GPR173: variants seen among roughly 807,000 people sequenced by gnomAD.
GPR173 encodes the protein probable G protein-coupled receptor 173.
A neutral mutation model predicts 13.9 loss-of-function variants in GPR173; 2 were observed. The observed-to-expected ratio is 0.14, with a 90% confidence interval of 0.06 to 0.45. GPR173 has a LOEUF of 0.45. GPR173 is among the 20% of genes least tolerant of loss of function. The pLI is 0.98. For missense variants in GPR173, 202 were observed against 340.5 expected (o/e 0.59, Z 3.20); for synonymous variants, 131 against 141.0 (o/e 0.93, Z 0.50).
intron 1 of GPR173, among the ~76,000 whole-genome samples, chrX:53,069,201 C>T (rs1932226186): frequency 9.4e-6 from 1 of 106,634 alleles, no homozygotes. Flanking sequence ...CTCAAGTGAT[C>T]ATCCCGCCTC....
chrX:53,073,044 A>G (rs1556804963), intron 1 of GPR173, among the ~76,000 whole-genome samples: 1 of 110,627 alleles, frequency 9.0e-6, no homozygotes, highest in Admixed American at 9.7e-5. Context: ...CTAGCATCAC[A>G]AAACCCTGTC....
intron 1 of GPR173, among the ~76,000 whole-genome samples, chrX:53,074,795 T>TTA (rs1186555672): frequency 2.8e-4 from 27 of 96,982 alleles, no homozygotes; most frequent in Non-Finnish European, 5.0e-4. Context: ...TATTATAAAA[T>TTA]TATATATATA....
chrX:53,075,050 A>T (rs1198730856), intron 1 of GPR173, among the ~76,000 whole-genome samples: 1 of 103,144 alleles, frequency 9.7e-6, no homozygotes, highest in Non-Finnish European at 2.0e-5. Context: ...CAGAGGAAAA[A>T]GTTCTCGCCA....
At chrX:53,064,085 C>G (rs782323349) in intron 1 of GPR173, among the ~76,000 whole-genome samples, 86 of 111,590 alleles carry the variant, frequency 7.7e-4, no homozygotes, top group African/African-American at 2.7e-3. Flanking sequence ...ACCCTTAACC[C>G]TCTATTTATG....
intron 1 of GPR173, among the ~76,000 whole-genome samples, chrX:53,049,767 C>T (rs1467802538): frequency 9.0e-6 from 1 of 111,727 alleles, no homozygotes; most frequent in Non-Finnish European, 1.9e-5. Context: ...GGGCATGAGG[C>T]TGTGTTAATC....
intron 1 of GPR173, among the ~76,000 whole-genome samples, chrX:53,072,966 T>C (rs1383458111): frequency 7.2e-5 from 8 of 111,319 alleles, no homozygotes; most frequent in African/African-American, 2.3e-4. Flanking sequence ...CTCATACCTG[T>C]AATCCCAACA....
chrX:53,066,487 C>T (rs1932185017), intron 1 of GPR173, among the ~76,000 whole-genome samples: 1 of 110,216 alleles, frequency 9.1e-6, no homozygotes, highest in East Asian at 2.8e-4. Flanking sequence ...GGTAAAACCC[C>T]GTCTCTACTA....
chrX:53,057,273 C>T (rs145795871), intron 1 of GPR173, among the ~76,000 whole-genome samples: 6,660 of 108,533 alleles, frequency 0.061, 296 homozygotes, highest in African/African-American at 0.16. Flanking sequence ...AAAAATTAGC[C>T]GGGTATGGTG....
intron 1 of GPR173, among the ~76,000 whole-genome samples, chrX:53,058,988 G>A (rs1301041045): frequency 9.2e-6 from 1 of 108,840 alleles, no homozygotes; most frequent in Non-Finnish European, 1.9e-5. Flanking sequence ...GGTGGCTGAC[G>A]CCTGTAATCC....
Position 53,049,965 on chromosome X carries a change from T to C in GPR173, c.-98+481T>C, listed in dbSNP as rs1436865330. Among the ~76,000 whole-genome samples the C allele has an allele frequency of 2.8e-5, 3 of 107,417 alleles. No individual in the cohort carries two copies. The East Asian group carries it at 8.7e-4, about 31-fold the overall frequency. 93.3% of individuals were successfully genotyped at this position (107,417 alleles called of 115,157 possible). ...GTGTGTGTGTGTGTGTGTGTGTGTG[T>C]GTGTGTGTGTGCACCTGGGTAGCAA... On this transcript the variant is annotated intron_variant, in intron 1 of 1. Transcript: ENST00000332582.
Position 53,078,475 on chromosome X carries a change from C to T in GPR173, c.*732C>T, listed in dbSNP as rs1932477331. On this transcript the variant is annotated 3_prime_UTR_variant, in exon 2 of 2. Coordinates refer to ENST00000332582, the MANE Select transcript of GPR173 (RefSeq NM_018969.6). ...AGTCAAGGGAGTAGGGAGAAGGGCCCCAAGGATGGGCCCAGGTTAGGTGAA... is the reference window on the plus strand; with the variant it reads ...AGTCAAGGGAGTAGGGAGAAGGGCCTCAAGGATGGGCCCAGGTTAGGTGAA... 8.1e-6 allele frequency: 1 copy of T among 122,962 alleles called. No individual in the cohort carries two copies. The highest frequency in any genetic ancestry group is 2.8e-4 in the East Asian group (1 of 3,557). 10.1% of individuals were successfully genotyped at this position (122,962 alleles called of 1,213,427 possible). A position where few individuals can be genotyped will look rare whatever the true frequency, so the allele number is the denominator to read the frequency against.
At chrX:53,073,674 G>A (rs1932301193) in intron 1 of GPR173, among the ~76,000 whole-genome samples, 1 of 102,917 alleles carries the variant, frequency 9.7e-6, no homozygotes, top group South Asian at 4.2e-4. Context: ...TTCTTTCAGA[G>A]GAGAGTCAGT....
chrX:53,055,156 G>C (rs782636442), intron 1 of GPR173, among the ~76,000 whole-genome samples: 101 of 109,990 alleles, frequency 9.2e-4, no homozygotes, highest in African/African-American at 3.1e-3. Flanking sequence ...GTGTGTGAGA[G>C]TGGGGGTGTT....
At chrX:53,064,183 G>C (rs1042800740) in intron 1 of GPR173, among the ~76,000 whole-genome samples, 1 of 111,212 alleles carries the variant, frequency 9.0e-6, no homozygotes, top group Non-Finnish European at 1.9e-5. Context: ...ACATTTTCAG[G>C]CATTATAGCA....
chrX:53,048,875 G>A lies in GPR173; in HGVS notation c.-707G>A, dbSNP rs1489079166. 1.8e-5 allele frequency among the ~76,000 whole-genome samples: 2 copies of A among 110,567 alleles called. No homozygotes were observed. Among genetic ancestry groups the A allele is most frequent in the Non-Finnish European group, 3.8e-5 (2 of 52,544 alleles). On this transcript the variant is annotated 5_prime_UTR_variant, in exon 1 of 2. Transcript: ENST00000332582. ...GGACCTGCACCTCTTCCCCATCCCCGCCAGGCCCGGGGAGCGGGGTGAGCC... is the reference window on the plus strand; with the variant it reads ...GGACCTGCACCTCTTCCCCATCCCCACCAGGCCCGGGGAGCGGGGTGAGCC...
chrX:53,061,991 A>AGAGAAGAGAAGAGAAG (rs113986287), intron 1 of GPR173, among the ~76,000 whole-genome samples: 8,086 of 105,447 alleles, frequency 0.077, 685 homozygotes, highest in African/African-American at 0.21. Context: ...AGGGAAGAGA[A>AGAGAAGAGAAGAGAAG]AGAAGAGAAG....
At chrX:53,054,551 G>C (rs1017939846) in intron 1 of GPR173, among the ~76,000 whole-genome samples, 9 of 109,389 alleles carry the variant, frequency 8.2e-5, no homozygotes, top group Non-Finnish European at 1.5e-4. Flanking sequence ...GGGTGTTTCT[G>C]GGTAGGGTGT....
intron 1 of GPR173, among the ~76,000 whole-genome samples, chrX:53,074,839 A>G (rs1294491330): frequency 2.0e-5 from 2 of 100,931 alleles, no homozygotes; most frequent in African/African-American, 3.6e-5. Flanking sequence ...GAGAAATTCT[A>G]GGAGGCAAAA....
rs782701038 is a variant in GPR173 at position 53,069,272 on chromosome X, TA to T, written c.-97-7238del. ...ACCGTGCCCAGCCGACCTTTTCTCT[TA>T]AAAAAAAAAAAAAACAGAAAAGAAA... On this transcript the variant is annotated intron_variant, in intron 1 of 1. Transcript: ENST00000332582. 3.2e-3 allele frequency among the ~76,000 whole-genome samples: 290 copies of T among 91,543 alleles called. 1 individual carries two copies. The highest frequency in any genetic ancestry group is 0.031 in the South Asian group (60 of 1,932). 79.5% of individuals were successfully genotyped at this position (91,543 alleles called of 115,157 possible). A position where few individuals can be genotyped will look rare whatever the true frequency, so the allele number is the denominator to read the frequency against.
Sources: allele counts gnomAD v4.1 joint callset (sites outside exome capture counted in the v4.1 genomes callset), GRCh38; gene constraint gnomAD v4.1.1; transcripts MANE v1.5; gene names NCBI Gene and HGNC (gene_info 2026-07-23, HGNC 2026-07-21).